NDRG1: variants seen among roughly 807,000 people sequenced by gnomAD.
NDRG1 encodes the protein protein NDRG1.
A neutral mutation model predicts 56.9 loss-of-function variants in NDRG1; 32 were observed. That is an observed-to-expected ratio of 0.56 (90% CI 0.42 to 0.76). The LOEUF (loss-of-function observed/expected upper bound fraction) is 0.76. Ranked by LOEUF, NDRG1 falls within the 30% of genes least tolerant of loss-of-function variation. NDRG1 has a pLI of 0.00. For missense variants in NDRG1, 507 were observed against 545.7 expected (o/e 0.93, Z 0.71); for synonymous variants, 211 against 204.1 (o/e 1.03, Z -0.29).
At chr8:133,261,154 G>A (rs1856642516) in intron 5 of NDRG1, among the ~76,000 whole-genome samples, 2 of 152,096 alleles carry the variant, frequency 1.3e-5, no homozygotes, top group South Asian at 2.1e-4. Flanking sequence ...CACCCAGGCT[G>A]GAGTGCAGTG....
chr8:133,279,971 T>C (rs1041021024), intron 3 of NDRG1, among the ~76,000 whole-genome samples: 5 of 152,184 alleles, frequency 3.3e-5, no homozygotes, highest in Non-Finnish European at 7.3e-5. Context: ...CCCACCGTTC[T>C]GGCCAGCTCT....
chr8:133,265,438 C>T (rs960099713), intron 3 of NDRG1, among the ~76,000 whole-genome samples: 10 of 152,304 alleles, frequency 6.6e-5, no homozygotes, highest in Non-Finnish European at 5.9e-5. Flanking sequence ...CATCCACCAC[C>T]TGGGATTTTC....
intron 2 of NDRG1, among the ~76,000 whole-genome samples, chr8:133,283,512 G>T (rs1202391040): frequency 1.3e-5 from 2 of 152,204 alleles, no homozygotes; most frequent in African/African-American, 4.8e-5. Flanking sequence ...CTATAGACAG[G>T]GGCTTCTGTT....
In NDRG1 at chr8:133,252,257, G is replaced by A. The variant is rs577169363; in HGVS notation, c.595-1714C>T. 9.3e-4 allele frequency among the ~76,000 whole-genome samples: 141 copies of A among 152,160 alleles called. 1 individual carries two copies. The highest frequency in any genetic ancestry group is 3.0e-3 in the African/African-American group (125 of 41,502). On this transcript the variant is annotated intron_variant, in intron 9 of 15. Coordinates refer to ENST00000323851, the MANE Select transcript of NDRG1 (RefSeq NM_006096.4). ...ATTACAGGCGCGTGCCACCACATCC[G>A]GTTAATTTTGTATTTTCAGTAGAGA... is the stretch of plus-strand genomic sequence containing the variant.
chr8:133,296,252 G>A (rs1292288426), intron 1 of NDRG1, among the ~76,000 whole-genome samples: 4 of 152,066 alleles, frequency 2.6e-5, no homozygotes, highest in East Asian at 1.9e-4. Context: ...AGGCAGGGGA[G>A]GGGAGGAAAG....
chr8:133,256,821 C>T lies in NDRG1; in HGVS notation c.493G>A (p.Val165Met), dbSNP rs554127858. The T allele has an allele frequency of 4.3e-6, 7 of 1,614,148 alleles. No individual in the cohort carries two copies. Among genetic ancestry groups the T allele is most frequent in the African/African-American group, 2.7e-5 (2 of 75,052 alleles). ...ATCCAGCCTTCCGCACAAGGGTTCA[C>T]GTTGATAAGGACAAGGCCCTCCACC... ...EMVEGLVLIN[V>M]NPCAEGWMDW... The change falls in exon 8 of 16, where the codon GTG becomes ATG. Residue 165 changes from valine (V) to methionine (M), a missense_variant. Physicochemically the swap from Val to Met is conservative, Grantham distance 21. Transcript: ENST00000323851.
At chr8:133,296,167 G>C (rs924366584) in intron 1 of NDRG1, among the ~76,000 whole-genome samples, 1 of 152,092 alleles carries the variant, frequency 6.6e-6, no homozygotes, top group Admixed American at 6.5e-5. Flanking sequence ...ATCAGAGACC[G>C]CGGCGGATCC....
chr8:133,252,700 T>C (rs1856130699), intron 9 of NDRG1, among the ~76,000 whole-genome samples: 1 of 150,928 alleles, frequency 6.6e-6, no homozygotes, highest in Non-Finnish European at 1.5e-5. Flanking sequence ...AACTCCAGAG[T>C]GGGGCCTCTA....
intron 3 of NDRG1, among the ~76,000 whole-genome samples, chr8:133,276,554 C>T (rs1030359793): frequency 2.0e-5 from 3 of 152,116 alleles, no homozygotes; most frequent in African/African-American, 4.8e-5. Flanking sequence ...GTGCTGTTCT[C>T]GTGATAGTGA....
rs377504824 is a variant in NDRG1 at position 133,256,544 on chromosome 8, T to G, written c.537+233A>C. The stretch of plus-strand genomic sequence containing the variant: ...GCTGCCTCAGGGACCTGTGTCCCAG[T>G]GCTTTCCCTGGCTTAGACAGCTTGG... On this transcript the variant is annotated intron_variant, in intron 8 of 15. Transcript: ENST00000323851. Among the ~76,000 whole-genome samples, 26 of 152,322 alleles carry G rather than the reference T, an allele frequency of 1.7e-4. No individual in the cohort carries two copies. In the East Asian group the frequency reaches 3.9e-3, roughly 23 times the overall value.
At chr8:133,260,212 C>T (rs1420103721) in intron 5 of NDRG1, among the ~76,000 whole-genome samples, 1 of 152,176 alleles carries the variant, frequency 6.6e-6, no homozygotes, top group Non-Finnish European at 1.5e-5. Context: ...AATTCTACTT[C>T]CAAGGTCCCT....
chr8:133,239,489 C>T (rs1407123198), intron 15 of NDRG1: 11 of 393,472 alleles, frequency 2.8e-5, no homozygotes, highest in Admixed American at 2.2e-4. Flanking sequence ...CCTGTGTGTA[C>T]GCCCATGACC....
chr8:133,259,920 G>A (rs1856577918), intron 5 of NDRG1, among the ~76,000 whole-genome samples: 1 of 152,194 alleles, frequency 6.6e-6, no homozygotes, highest in Admixed American at 6.5e-5. Context: ...AGGGGTCATG[G>A]GAACCTGATG....
At chr8:133,282,916 G>A (rs1019274858) in intron 2 of NDRG1, among the ~76,000 whole-genome samples, 1 of 152,226 alleles carries the variant, frequency 6.6e-6, no homozygotes, top group Admixed American at 6.5e-5. Flanking sequence ...CTATCTGGAT[G>A]AACTTGACCA....
Position 133,256,815 on chromosome 8 carries a change from G to T in NDRG1, c.499C>A (p.Pro167Thr), listed in dbSNP as rs1225346607. 6.2e-7 allele frequency: 1 copy of T among 1,614,166 alleles called. No individual in the cohort carries two copies. Among genetic ancestry groups the T allele is most frequent in the Non-Finnish European group, 8.5e-7 (1 of 1,180,026 alleles). The part of the protein sequence containing the change: ...VEGLVLINVN[P>T]CAEGWMDWAA... The stretch of plus-strand genomic sequence containing the variant: ...CAGTCCATCCAGCCTTCCGCACAAG[G>T]GTTCACGTTGATAAGGACAAGGCCC... Residue 167 changes from proline to threonine, a missense_variant, in exon 8 of 16, where the codon CCT becomes ACT. Physicochemically the swap from Pro to Thr is conservative, Grantham distance 38. Coordinates refer to ENST00000323851, the MANE Select transcript of NDRG1 (RefSeq NM_006096.4).
chr8:133,277,862 C>G (rs950210393), intron 3 of NDRG1, among the ~76,000 whole-genome samples: 16 of 152,156 alleles, frequency 1.1e-4, no homozygotes, highest in African/African-American at 3.9e-4. Context: ...AGCACTGTCT[C>G]CATTTCACAG....
intron 3 of NDRG1, among the ~76,000 whole-genome samples, chr8:133,279,056 A>G (rs1267276664): frequency 6.6e-6 from 1 of 151,902 alleles, no homozygotes; most frequent in Admixed American, 6.6e-5. Flanking sequence ...TGCCTGGCTA[A>G]TTTTTGTATT....
chr8:133,244,563 C>A, intron 13 of NDRG1, 173 bp from the exon 14 acceptor site: 1 of 730,828 alleles, frequency 1.4e-6, no homozygotes, highest in Non-Finnish European at 2.4e-6. Flanking sequence ...CCCCACCAGG[C>A]AAGGCTGCTG....
intron 3 of NDRG1, among the ~76,000 whole-genome samples, chr8:133,274,845 CT>C (rs1857373264): frequency 6.6e-6 from 1 of 152,206 alleles, no homozygotes; most frequent in African/African-American, 2.4e-5. Flanking sequence ...GCTGCCGCCC[CT>C]GGGAAAGCCT....
Sources: allele counts gnomAD v4.1 joint callset (sites outside exome capture counted in the v4.1 genomes callset), GRCh38; gene constraint gnomAD v4.1.1; transcripts MANE v1.5; gene names NCBI Gene and HGNC (gene_info 2026-07-23, HGNC 2026-07-21).